The following OLFML2A variants were observed in gnomAD, a reference collection of about 807,000 sequenced individuals.
The protein encoded by OLFML2A is olfactomedin-like protein 2A.
In OLFML2A, 47 loss-of-function variants were observed where a neutral mutation model predicts 60.9. The observed-to-expected ratio is 0.77, with a 90% confidence interval of 0.61 to 0.98. The LOEUF (loss-of-function observed/expected upper bound fraction) is 0.98, where lower values mean the gene tolerates loss of function less well. OLFML2A is among the 50% of genes least tolerant of loss of function. OLFML2A has a pLI of 0.00. For missense variants in OLFML2A, 922 were observed against 879.8 expected (o/e 1.05, Z -0.61); for synonymous variants, 372 against 375.0 (o/e 0.99, Z 0.09).
chr9:124,804,297 C>T lies in OLFML2A; in HGVS notation c.1123C>T (p.Leu375Phe), dbSNP rs1398400051. 7 of 1,495,340 alleles carry T rather than the reference C, an allele frequency of 4.7e-6. No homozygotes were observed. Among genetic ancestry groups the T allele is most frequent in the Non-Finnish European group, 6.4e-6 (7 of 1,101,564 alleles). 92.6% of individuals were successfully genotyped at this position (1,495,340 alleles called of 1,614,324 possible). Residue 375 changes from leucine (L) to phenylalanine (F), a missense_variant, in exon 6 of 8, where the codon CTC becomes TTC. By Grantham distance (22) the Leu-to-Phe change is conservative. Transcript: ENST00000373580. The part of the protein sequence containing the change: ...ATTTPTPTTS[L>F]LPTEPPSGPE... The stretch of plus-strand genomic sequence containing the variant: ...CACCACCCCAACCCCCACCACCAGT[C>T]TCCTGCCCACCGAGCCACCTTCAGG...
At position 124,777,425 on chromosome 9, in the gene OLFML2A, G is replaced by A; in HGVS notation, c.90+65G>A. On this transcript the variant is annotated intron_variant, in intron 1 of 7. Transcript: ENST00000373580. This position sits in a 1 kb window ranked among gnomAD's most constrained non-coding sequence, Gnocchi z 6.2. ...CGGGGCGCGAGGGGGCGCTGTGGCT[G>A]GGGTGCGGCCCGGGAGGGAGCCCGG... 8.2e-7 allele frequency: 1 copy of A among 1,219,298 alleles called. No homozygotes were observed. 75.5% of individuals were successfully genotyped at this position (1,219,298 alleles called of 1,614,324 possible).
intron 7 of OLFML2A, among the ~76,000 whole-genome samples, chr9:124,808,711 C>T (rs2131281797): frequency 6.6e-6 from 1 of 152,010 alleles, no homozygotes; most frequent in South Asian, 2.1e-4. Context: ...GTGTTCCAGG[C>T]AGAAGGCTGA....
intron 1 of OLFML2A, among the ~76,000 whole-genome samples, chr9:124,783,373 G>A (rs538638575): frequency 3.9e-5 from 6 of 152,238 alleles, no homozygotes; most frequent in African/African-American, 1.4e-4. Context: ...TTGGGAGGCT[G>A]AGGTGGGAGG....
Position 124,814,461 on chromosome 9 carries a change from C to G in OLFML2A, c.*4049C>G, listed in dbSNP as rs747333376. 5.3e-5 allele frequency: 8 copies of G among 152,254 alleles called. No homozygotes were observed. Among genetic ancestry groups the G allele is most frequent in the African/African-American group, 1.4e-4 (6 of 41,430 alleles). The allele number at this position is 152,254 out of a possible 1,614,324, so 9.4% of individuals were successfully genotyped here. A position where few individuals can be genotyped will look rare whatever the true frequency, so the allele number is the denominator to read the frequency against. ...TCTAGAGCTTTACCCCTAATCCCCCCCCAGGAGCCCCGAGGCCGGCATTAT... is the reference window on the plus strand; with the variant it reads ...TCTAGAGCTTTACCCCTAATCCCCCGCCAGGAGCCCCGAGGCCGGCATTAT... On this transcript the variant is annotated 3_prime_UTR_variant, in exon 8 of 8. Coordinates refer to ENST00000373580, the MANE Select transcript of OLFML2A (RefSeq NM_182487.4).
intron 2 of OLFML2A, among the ~76,000 whole-genome samples, chr9:124,791,737 C>CAAAAAA (rs10553820): frequency 1.1e-4 from 8 of 74,896 alleles, no homozygotes; most frequent in East Asian, 3.6e-4. Flanking sequence ...GACTCTGTCT[C>CAAAAAA]AAAAAAAAAA....
intron 2 of OLFML2A, among the ~76,000 whole-genome samples, chr9:124,792,537 GT>G (rs1354717677): frequency 1.3e-5 from 2 of 152,234 alleles, no homozygotes; most frequent in Non-Finnish European, 2.9e-5. Context: ...GAGTAAGCAT[GT>G]GCTGGCCTGG....
chr9:124,798,726 CAA>C (rs59669639), intron 3 of OLFML2A, among the ~76,000 whole-genome samples: 26 of 65,078 alleles, frequency 4.0e-4, no homozygotes, highest in Admixed American at 7.2e-4. Context: ...CCCAGCTACT[CAA>C]AAAAAAAAAA....
rs1257971751 is a variant in OLFML2A, at chr9:124,810,155, A to C, written c.1702A>C (p.Thr568Pro). 3 of 1,613,836 alleles carry C rather than the reference A, an allele frequency of 1.9e-6. No individual in the cohort carries two copies. The African/African-American group carries it at 4.0e-5, about 22-fold the overall frequency. ...CGTGCACCGGGAGACCACGTGGAAG[A>C]CACGGCTGCGGCGGAACTCCTACGG... is the stretch of plus-strand genomic sequence containing the variant. ...LSVHRETTWK[T>P]RLRRNSYGNC... Residue 568 changes from threonine to proline, a missense_variant, in exon 8 of 8, where the codon ACA becomes CCA. By Grantham distance (38) the Thr-to-Pro change is conservative. Coordinates refer to ENST00000373580, the MANE Select transcript of OLFML2A (RefSeq NM_182487.4).
At chr9:124,789,162 TCAGA>T (rs1395493850) in intron 2 of OLFML2A, among the ~76,000 whole-genome samples, 2 of 152,336 alleles carry the variant, frequency 1.3e-5, no homozygotes, top group South Asian at 4.1e-4. Flanking sequence ...ACTCCTGGGC[TCAGA>T]CAATCCTCTC....
rs145783276 is a variant in OLFML2A, at chr9:124,810,441, C to G, written c.*29C>G. 56 of 1,567,464 alleles carry G rather than the reference C, an allele frequency of 3.6e-5. No homozygotes were observed. The African/African-American group carries it at 5.4e-4, about 15-fold the overall frequency. On this transcript the variant is annotated 3_prime_UTR_variant, in exon 8 of 8. Coordinates refer to ENST00000373580, the MANE Select transcript of OLFML2A (RefSeq NM_182487.4). Reference sequence around the variant, plus strand: ...GAGACCTGTGCTCCCCGGAGAGGGGCAGCAGTGCGGGAGGGGCTTTGCACA... The same window carrying G: ...GAGACCTGTGCTCCCCGGAGAGGGGGAGCAGTGCGGGAGGGGCTTTGCACA...
intron 7 of OLFML2A, among the ~76,000 whole-genome samples, chr9:124,808,716 G>A (rs1003154786): frequency 2.0e-5 from 3 of 152,096 alleles, no homozygotes; most frequent in African/African-American, 7.2e-5. Context: ...CCAGGCAGAA[G>A]GCTGAGTACA....
Position 124,807,974 on chromosome 9 carries a change from AC to A in OLFML2A, c.1354+13del, listed in dbSNP as rs1200708506. The A allele has an allele frequency of 2.5e-6, 4 of 1,612,086 alleles. No homozygotes were observed. In the South Asian group the frequency reaches 4.4e-5, roughly 18 times the overall value. On this transcript the variant is annotated intron_variant, in intron 7 of 7. Coordinates refer to ENST00000373580, the MANE Select transcript of OLFML2A (RefSeq NM_182487.4). ...TGGAAAACTTCAAGCAAGGTCAGGG[AC>A]CCCCGGAGGTGGAGAGGGGGCTGGG... is the stretch of plus-strand genomic sequence containing the variant.
intron 3 of OLFML2A, among the ~76,000 whole-genome samples, chr9:124,795,724 G>T (rs1056665947): frequency 6.6e-6 from 1 of 152,192 alleles, no homozygotes; most frequent in Non-Finnish European, 1.5e-5. Flanking sequence ...GCAGTGAACC[G>T]AGATCGTGCC....
intron 2 of OLFML2A, among the ~76,000 whole-genome samples, chr9:124,794,710 C>T (rs1323487981): frequency 2.0e-5 from 3 of 152,268 alleles, no homozygotes; most frequent in Non-Finnish European, 2.9e-5. Context: ...CAACCCCCAC[C>T]TTCTGGGTTC....
At position 124,795,007 on chromosome 9, in the gene OLFML2A, C is replaced by A. The variant is rs1457104790; in HGVS notation, c.355-17C>A. The A allele has an allele frequency of 8.6e-6, 13 of 1,512,224 alleles. No individual in the cohort carries two copies. Among genetic ancestry groups the A allele is most frequent in the African/African-American group, 5.5e-5 (4 of 73,036 alleles). The allele number at this position is 1,512,224 out of a possible 1,614,324, so 93.7% of individuals were successfully genotyped here. A position where few individuals can be genotyped will look rare whatever the true frequency, so the allele number is the denominator to read the frequency against. ...TGTGCTGCACTCTTTGCCTAACCATCCCCCTTCCCCGGGCAGCTGCAGTCC... is the reference window on the plus strand; with the variant it reads ...TGTGCTGCACTCTTTGCCTAACCATACCCCTTCCCCGGGCAGCTGCAGTCC... On this transcript the variant is annotated splice_polypyrimidine_tract_variant and intron_variant, in intron 2 of 7. Coordinates refer to ENST00000373580, the MANE Select transcript of OLFML2A (RefSeq NM_182487.4).
At chr9:124,808,140 C>A (rs1183629883) in intron 7 of OLFML2A, among the ~76,000 whole-genome samples, 174 bp downstream of exon 7, 1 of 152,210 alleles carries the variant, frequency 6.6e-6, no homozygotes, top group Non-Finnish European at 1.5e-5. Context: ...GGGCTGGAGG[C>A]CCAGACAGAC....
At chr9:124,797,614 G>A (rs151021570) in intron 3 of OLFML2A, among the ~76,000 whole-genome samples, 36 of 152,302 alleles carry the variant, frequency 2.4e-4, no homozygotes, top group African/African-American at 6.3e-4. Context: ...CTGTTGCTCC[G>A]CGGCTTCTCA....
At chr9:124,807,491 C>T (rs982605865) in intron 6 of OLFML2A, among the ~76,000 whole-genome samples, 8 of 152,056 alleles carry the variant, frequency 5.3e-5, no homozygotes, top group East Asian at 1.9e-4. Flanking sequence ...CCATGTTGCC[C>T]GGGCTGGTCT....
intron 2 of OLFML2A, among the ~76,000 whole-genome samples, chr9:124,787,522 T>TTTTTATTTTA (rs201285189): frequency 0.083 from 11,471 of 137,708 alleles, 1,024 homozygotes; most frequent in African/African-American, 0.22. Flanking sequence ...CAGTGGGTTG[T>TTTTTATTTTA]TTTTATTTTA....
Sources: allele counts gnomAD v4.1 joint callset (sites outside exome capture counted in the v4.1 genomes callset), GRCh38; gene constraint gnomAD v4.1.1; non-coding constraint Gnocchi (gnomAD v3.1); transcripts MANE v1.5; gene names NCBI Gene and HGNC (gene_info 2026-07-23, HGNC 2026-07-21).